Variants in GLG1 observed in about 807,000 individuals in gnomAD.
The protein encoded by GLG1 is golgi glycoprotein 1.
Under a neutral mutation model 160.5 loss-of-function variants are expected in GLG1, and 38 were observed. The observed-to-expected ratio is 0.24, with a 90% CI of 0.18 to 0.31. The LOEUF (loss-of-function observed/expected upper bound fraction) is 0.31. GLG1 is among the 10% of genes least tolerant of loss of function. GLG1 has a pLI of 1.00. For synonymous variants in GLG1, 644 were observed against 543.4 expected (o/e 1.19, Z -2.57); for missense variants, 1,373 against 1,505.2 (o/e 0.91, Z 1.45).
At chr16:74,563,193 A>G (rs2018555149) in intron 1 of GLG1, 1 of 152,194 alleles carries the variant, frequency 6.6e-6, no homozygotes, top group Non-Finnish European at 1.5e-5. Flanking sequence ...TATTTGTGAA[A>G]ACTTTTACAG....
At chr16:74,572,095 C>T (rs2018843836) in intron 1 of GLG1, among the ~76,000 whole-genome samples, 1 of 152,106 alleles carries the variant, frequency 6.6e-6, no homozygotes, top group African/African-American at 2.4e-5. Flanking sequence ...CTGGAAAAAC[C>T]AAGGCATGAT....
At chr16:74,510,020 T>C (rs970311156) in intron 2 of GLG1, among the ~76,000 whole-genome samples, 1 of 129,074 alleles carries the variant, frequency 7.7e-6, no homozygotes, top group Non-Finnish European at 1.6e-5. Flanking sequence ...ACACATACAC[T>C]ATAAGGTCTA....
chr16:74,521,053 G>A (rs533874573), intron 2 of GLG1, among the ~76,000 whole-genome samples: 103 of 152,300 alleles, frequency 6.8e-4, no homozygotes, highest in African/African-American at 2.4e-3. Flanking sequence ...CCATAAGAGA[G>A]TAAGAGAAGG....
At chr16:74,523,747 T>A (rs1398435540) in intron 2 of GLG1, among the ~76,000 whole-genome samples, 1 of 152,066 alleles carries the variant, frequency 6.6e-6, no homozygotes, top group Non-Finnish European at 1.5e-5. Context: ...GTTAATAATA[T>A]ATAAAAGTAC....
At chr16:74,583,996 T>A (rs1166648880) in intron 1 of GLG1, among the ~76,000 whole-genome samples, 1 of 152,112 alleles carries the variant, frequency 6.6e-6, no homozygotes, top group Admixed American at 6.6e-5. Context: ...CAATCCCACT[T>A]CTATCTCCTT....
Position 74,491,016 on chromosome 16 carries a change from C to T in GLG1, c.1434G>A (p.Met478Ile), listed in dbSNP as rs775536561. 6.8e-6 allele frequency: 11 copies of T among 1,613,314 alleles called. No individual in the cohort carries two copies. Among genetic ancestry groups the T allele is most frequent in the Non-Finnish European group, 8.5e-6 (10 of 1,179,350 alleles). Residue 478 changes from methionine to isoleucine, a missense_variant, in exon 8 of 26, where the codon ATG (methionine) becomes ATA (isoleucine). By Grantham distance (10) the Met-to-Ile change is conservative. This residue lies in a region of GLG1 where 386 missense variants were observed against 388.5 expected (regional missense o/e 0.99). Coordinates refer to ENST00000422840, the MANE Select transcript of GLG1 (RefSeq NM_001145667.2). Reference protein sequence around the residue: ...VVRGEKGNLGMNCQQALQTLI... With the variant: ...VVRGEKGNLGINCQQALQTLI... ...GTCTCCTTACCGCCTGCTGGCAGTT[C>T]ATTCCAAGGTTCCCCTTCTCCCCTC...
chr16:74,467,029 A>G (rs1318106637), intron 18 of GLG1, among the ~76,000 whole-genome samples: 2 of 152,248 alleles, frequency 1.3e-5, no homozygotes, highest in Admixed American at 1.3e-4. Context: ...CCGGAAACAC[A>G]CACAAAACAA....
At chr16:74,476,716 C>T (rs953435383) in intron 12 of GLG1, among the ~76,000 whole-genome samples, 3 of 152,180 alleles carry the variant, frequency 2.0e-5, no homozygotes, top group Non-Finnish European at 4.4e-5. Context: ...TCACAGCACT[C>T]AGGGAATTTT....
At position 74,556,837 on chromosome 16, in the gene GLG1, A is replaced by G. The variant is rs530147875; in HGVS notation, c.439-24684T>C. 4.6e-5 allele frequency among the ~76,000 whole-genome samples: 7 copies of G among 151,298 alleles called. No homozygotes were observed. In the South Asian group the frequency reaches 1.5e-3, roughly 31 times the overall value. ...GTCTTTAGCCAATGAGTAAGAGAAT[A>G]GCTGAAACTGTGTAACAGTCTGTTT... On this transcript the variant is annotated intron_variant, in intron 1 of 25. Coordinates refer to ENST00000422840, the MANE Select transcript of GLG1 (RefSeq NM_001145667.2).
At chr16:74,511,599 A>G (rs547324680) in intron 2 of GLG1, among the ~76,000 whole-genome samples, 40 of 146,614 alleles carry the variant, frequency 2.7e-4, no homozygotes, top group Middle Eastern at 7.0e-3. Flanking sequence ...AAAAAAAAAA[A>G]AAAGAAAGAA....
At chr16:74,488,215 G>T (rs934025221) in intron 8 of GLG1, among the ~76,000 whole-genome samples, 2 of 152,136 alleles carry the variant, frequency 1.3e-5, no homozygotes, top group East Asian at 3.9e-4. Context: ...AGGTATGGAA[G>T]TCTGCTGTAT....
intron 3 of GLG1, among the ~76,000 whole-genome samples, chr16:74,508,377 T>C (rs747020510): frequency 3.3e-5 from 5 of 151,940 alleles, no homozygotes; most frequent in African/African-American, 4.8e-5. Context: ...ACTAATATTA[T>C]TTGTTGTTTA....
intron 20 of GLG1, chr16:74,463,032 G>GA (rs1293238113): frequency 2.4e-6 from 1 of 422,496 alleles, no homozygotes; most frequent in Non-Finnish European, 4.2e-6. Flanking sequence ...TTTCTGTTCC[G>GA]AATCAGATTA....
chr16:74,523,066 T>C (rs1252958173), intron 2 of GLG1, among the ~76,000 whole-genome samples: 2 of 152,224 alleles, frequency 1.3e-5, no homozygotes, highest in African/African-American at 4.8e-5. Context: ...TGTTTCCCAA[T>C]TAAGAAAACT....
Position 74,573,113 on chromosome 16 carries a change from A to G in GLG1, c.438+33544T>C, listed in dbSNP as rs1311656263. ...AGTAGGAAAAACTCTTTGGTTTTTC[A>G]CATATCCTCAGACCCAGAAATAGAT... On this transcript the variant is annotated intron_variant, in intron 1 of 25. Coordinates refer to ENST00000422840, the MANE Select transcript of GLG1 (RefSeq NM_001145667.2). Among the ~76,000 whole-genome samples, 3 of 152,198 alleles carry G rather than the reference A, an allele frequency of 2.0e-5. No individual in the cohort carries two copies. In the East Asian group the frequency reaches 5.8e-4, roughly 29 times the overall value.
rs140185141 is a variant in GLG1, at chr16:74,507,255, C to T, written c.558+1584G>A. Among the ~76,000 whole-genome samples the T allele has an allele frequency of 2.5e-3, 381 of 152,210 alleles. 1 individual carries two copies. Among genetic ancestry groups the T allele is most frequent in the Non-Finnish European group, 3.7e-3 (254 of 68,012 alleles). On this transcript the variant is annotated intron_variant, in intron 3 of 25. Coordinates refer to ENST00000422840, the MANE Select transcript of GLG1 (RefSeq NM_001145667.2). Reference sequence around the variant, plus strand: ...ACCCCAAAAGGTCACAGAGGACCATCGTGATACACACATTATATGGAAACC... The same window carrying T: ...ACCCCAAAAGGTCACAGAGGACCATTGTGATACACACATTATATGGAAACC...
At chr16:74,569,975 G>A (rs1339254065) in intron 1 of GLG1, among the ~76,000 whole-genome samples, 3 of 150,100 alleles carry the variant, frequency 2.0e-5, no homozygotes, top group Admixed American at 1.3e-4. Context: ...TTGAGCCCAG[G>A]AGTTTGAGAC....
At chr16:74,482,940 T>A (rs1383284280) in intron 10 of GLG1, 83 bp downstream of exon 10, 8 of 801,472 alleles carry the variant, frequency 1.0e-5, no homozygotes, top group Non-Finnish European at 1.8e-5. Flanking sequence ...TTCCTACTGA[T>A]TATTTTAATA....
At chr16:74,467,507 T>C (rs2015043022) in intron 18 of GLG1, among the ~76,000 whole-genome samples, 1 of 151,804 alleles carries the variant, frequency 6.6e-6, no homozygotes, top group Admixed American at 6.6e-5. Flanking sequence ...GCAGACAAGG[T>C]AGGGAAGGAT....
Sources: gnomAD v4.1 joint callset for allele counts (sites outside exome capture counted in the v4.1 genomes callset) on GRCh38, gnomAD v4.1.1 for gene constraint, gnomAD v4.1.1 regional missense constraint, MANE v1.5 for transcripts, NCBI Gene and HGNC (gene_info 2026-07-23, HGNC 2026-07-21) for gene names.